The following TRIP12 variants were observed in gnomAD, a reference collection of about 807,000 sequenced individuals.
TRIP12 encodes the protein E3 ubiquitin-protein ligase TRIP12.
A neutral mutation model predicts 244.2 loss-of-function variants in TRIP12; 25 were observed. The ratio of observed to expected loss-of-function variants is 0.10; its 90% CI spans 0.07 to 0.14. The LOEUF is 0.14. Ranked by LOEUF, TRIP12 falls within the 10% of genes least tolerant of loss-of-function variation. The pLI is 1.00. For synonymous variants in TRIP12, 905 were observed against 873.1 expected (o/e 1.04, Z -0.64); for missense variants, 1,677 against 2,486.4 (o/e 0.67, Z 6.92).
chr2:229,797,915 T>C (rs2043211044), intron 23 of TRIP12, 84 bp from the exon 24 acceptor site: 2 of 1,373,198 alleles, frequency 1.5e-6, no homozygotes, highest in Non-Finnish European at 9.9e-7. Flanking sequence ...AGCTGCTACA[T>C]TTAAAATTCA....
chr2:229,768,765 TAG>T lies in TRIP12; in HGVS notation c.5904-48_5904-47del, dbSNP rs755448701. 82 of 1,537,488 alleles carry T rather than the reference TAG, an allele frequency of 5.3e-5. No individual in the cohort carries two copies. The Admixed American group carries it at 9.7e-4, about 18-fold the overall frequency. ...CCAAAATTATTTCATCAGGTTAAAA[TAG>T]AGTTTTAATCACACTGCATCGCATC... is the stretch of plus-strand genomic sequence containing the variant. On this transcript the variant is annotated intron_variant, in intron 40 of 41. Coordinates refer to ENST00000675903, the MANE Select transcript of TRIP12 (RefSeq NM_001348323.3).
At chr2:229,799,772 CAA>C (rs369675716) in intron 21 of TRIP12, among the ~76,000 whole-genome samples, 2,536 of 128,110 alleles carry the variant, frequency 0.02, 66 homozygotes, top group African/African-American at 0.066. Context: ...GACTCCATCT[CAA>C]AAAAAAAAAA....
At chr2:229,771,340 C>T (rs972697450) in intron 39 of TRIP12, among the ~76,000 whole-genome samples, 179 bp downstream of exon 39, 3 of 152,214 alleles carry the variant, frequency 2.0e-5, no homozygotes, top group African/African-American at 7.2e-5. Flanking sequence ...AGAGGGGACA[C>T]CTATTTAACA....
chr2:229,917,350 C>G (rs541522550), intron 1 of TRIP12, among the ~76,000 whole-genome samples: 1 of 119,458 alleles, frequency 8.4e-6, no homozygotes, highest in Admixed American at 1.1e-4. Context: ...CATTGCACTC[C>G]ACCCTGGGCA....
chr2:229,862,684 G>A lies in TRIP12; in HGVS notation c.99-2153C>T, dbSNP rs186387599. 4.6e-5 allele frequency among the ~76,000 whole-genome samples: 7 copies of A among 152,166 alleles called. No individual in the cohort carries two copies. In the East Asian group the frequency reaches 9.7e-4, roughly 21 times the overall value. On this transcript the variant is annotated intron_variant, in intron 2 of 41. Transcript: ENST00000675903. ...TTCATTCCATTTGTCATCAGAAACC[G>A]GCCCATATGAAACTAAAGGTGAGGT...
chr2:229,867,634 A>G (rs1559985685), intron 2 of TRIP12, among the ~76,000 whole-genome samples: 1 of 152,196 alleles, frequency 6.6e-6, no homozygotes, highest in Non-Finnish European at 1.5e-5. Flanking sequence ...AATCATTTGT[A>G]TATATATTTT....
In TRIP12 at chr2:229,796,604, A is replaced by C; in HGVS notation, c.3803T>G (p.Phe1268Cys). 6.3e-7 allele frequency: 1 copy of C among 1,589,784 alleles called. No individual in the cohort carries two copies. Residue 1268 changes from phenylalanine (F) to cysteine (C), a missense_variant, in exon 25 of 42, where the codon TTT (phenylalanine) becomes TGT (cysteine). This residue lies in a region of TRIP12 where 77 missense variants were observed against 69.2 expected (regional missense o/e 1.11). Coordinates refer to ENST00000675903, the MANE Select transcript of TRIP12 (RefSeq NM_001348323.3). Reference protein sequence around the residue: ...EIRLKRFLHVFFSSPLPGEEP... With the variant: ...EIRLKRFLHVCFSSPLPGEEP... ...TAGATAACTTACTGGAGAAGAAAAA[A>C]ATACATGAAGAAATCGCTTTAATCT...
intron 2 of TRIP12, among the ~76,000 whole-genome samples, chr2:229,864,214 A>G (rs1301940948): frequency 6.6e-6 from 1 of 152,226 alleles, no homozygotes; most frequent in Non-Finnish European, 1.5e-5. Context: ...AGATGGGCCC[A>G]GAGCACACAA....
chr2:229,832,398 G>C (rs1032685745), intron 6 of TRIP12, among the ~76,000 whole-genome samples: 1 of 152,140 alleles, frequency 6.6e-6, no homozygotes, highest in East Asian at 1.9e-4. Flanking sequence ...AAAAGTGTTG[G>C]TAACTCCCCC....
chr2:229,875,108 T>C (rs2063360182), intron 2 of TRIP12, among the ~76,000 whole-genome samples: 2 of 151,908 alleles, frequency 1.3e-5, no homozygotes, highest in Non-Finnish European at 2.9e-5. Flanking sequence ...GAGGAACAGG[T>C]CAGCTACAAT....
Position 229,795,299 on chromosome 2 carries a change from T to C in TRIP12, c.3848A>G (p.Glu1283Gly), listed in dbSNP as rs2042539241. ...CAACAAAGGTGCATTACCCACTGGT[T>C]CCACTCTTCCAATGGGCTCTTCTCC... ...LPGEEPIGRV[E>G]PVGNAPLLAL... is the part of the protein sequence containing the mutation. Residue 1283 changes from glutamate (E) to glycine (G), a missense_variant, in exon 26 of 42, where the codon GAA becomes GGA. Coordinates refer to ENST00000675903, the MANE Select transcript of TRIP12 (RefSeq NM_001348323.3). 2 of 1,613,804 alleles carry C rather than the reference T, an allele frequency of 1.2e-6. No homozygotes were observed. Among genetic ancestry groups the C allele is most frequent in the Non-Finnish European group, 1.7e-6 (2 of 1,179,916 alleles).
chr2:229,829,175 AG>A lies in TRIP12; in HGVS notation c.1450+17del, dbSNP rs1482882976. The A allele has an allele frequency of 6.2e-7, 1 of 1,609,744 alleles. No individual in the cohort carries two copies. The highest frequency in any genetic ancestry group is 1.1e-5 in the South Asian group (1 of 90,758). ...GCTAATTATTGAGGGATTTCAGGGA[AG>A]GAACATTTTTACTTACTAGCTCCAC... On this transcript the variant is annotated intron_variant, in intron 8 of 41. Transcript: ENST00000675903.
chr2:229,920,090 CACAGGCCTCATAT>C (rs1327753870), intron 1 of TRIP12, among the ~76,000 whole-genome samples: 1 of 152,208 alleles, frequency 6.6e-6, no homozygotes, highest in African/African-American at 2.4e-5. Context: ...ATGCGACACA[CACAGGCCTCATAT>C]ACAGGCCTCT....
chr2:229,830,932 A>T, intron 6 of TRIP12, 93 bp from the exon 7 acceptor site: 1 of 1,061,566 alleles, frequency 9.4e-7, no homozygotes, highest in Non-Finnish European at 1.4e-6. Flanking sequence ...TGCGGACTAC[A>T]ATTGAATAAA....
intron 11 of TRIP12, 136 bp from the exon 12 acceptor site, chr2:229,814,461 T>G (rs781680869): frequency 2.1e-5 from 16 of 748,066 alleles, no homozygotes; most frequent in Non-Finnish European, 2.9e-5. Flanking sequence ...TGCAAGTCAC[T>G]TAGCAGCTTA....
intron 4 of TRIP12, among the ~76,000 whole-genome samples, chr2:229,847,619 G>A (rs1170097605): frequency 6.6e-6 from 1 of 152,192 alleles, no homozygotes; most frequent in African/African-American, 2.4e-5. Context: ...AGTCCAGAAA[G>A]CTGAAAGTAG....
At chr2:229,814,716 A>G (rs939757299) in intron 11 of TRIP12, among the ~76,000 whole-genome samples, 2 of 152,248 alleles carry the variant, frequency 1.3e-5, no homozygotes, top group Non-Finnish European at 2.9e-5. Context: ...TCCGTAAGAC[A>G]GACCAAAAAC....
intron 1 of TRIP12, among the ~76,000 whole-genome samples, chr2:229,887,567 G>A (rs1553747907): frequency 6.6e-6 from 1 of 152,114 alleles, no homozygotes; most frequent in Non-Finnish European, 1.5e-5. Flanking sequence ...AAGGCAAAAT[G>A]AAGACGGGGT....
At chr2:229,912,116 T>G (rs2074398851) in intron 1 of TRIP12, among the ~76,000 whole-genome samples, 1 of 152,226 alleles carries the variant, frequency 6.6e-6, no homozygotes, top group Non-Finnish European at 1.5e-5. Context: ...AAGGAAGACT[T>G]CTGTGTCCAA....
Sources: allele counts gnomAD v4.1 joint callset (sites outside exome capture counted in the v4.1 genomes callset), GRCh38; gene constraint gnomAD v4.1.1; regional missense constraint gnomAD v4.1.1; transcripts MANE v1.5; gene names NCBI Gene and HGNC (gene_info 2026-07-23, HGNC 2026-07-21).